Variants in MGAT5 observed in about 807,000 individuals in gnomAD.
The protein encoded by MGAT5 is alpha-1,6-mannosylglycoprotein 6-beta-N-acetylglucosaminyltransferase A.
MGAT5 carries 30 observed loss-of-function variants against 94.3 expected under a neutral mutation model. That is an observed-to-expected ratio of 0.32 (90% CI 0.24 to 0.43). The LOEUF (loss-of-function observed/expected upper bound fraction) is 0.43, where lower values mean the gene tolerates loss of function less well. MGAT5 is among the 20% of genes least tolerant of loss of function. The pLI is 1.00. For synonymous variants in MGAT5, 310 were observed against 322.9 expected (o/e 0.96, Z 0.43); for missense variants, 691 against 905.5 (o/e 0.76, Z 3.04).
chr2:134,229,817 A>C (rs1681262863), intron 1 of MGAT5, among the ~76,000 whole-genome samples: 1 of 152,232 alleles, frequency 6.6e-6, no homozygotes, highest in African/African-American at 2.4e-5. Context: ...CCTACAACTC[A>C]GTGACAAAGA....
intron 14 of MGAT5, among the ~76,000 whole-genome samples, chr2:134,436,276 C>G (rs1355666861): frequency 6.6e-6 from 1 of 152,212 alleles, no homozygotes; most frequent in Non-Finnish European, 1.5e-5. Flanking sequence ...CTCCTGCCAC[C>G]TTCAGGCCTC....
intron 15 of MGAT5, among the ~76,000 whole-genome samples, chr2:134,443,051 G>A (rs1490669496): frequency 6.6e-6 from 1 of 152,154 alleles, no homozygotes; most frequent in Non-Finnish European, 1.5e-5. Context: ...CATGGTCTGA[G>A]TTGGCCTGTT....
At chr2:134,199,963 C>A (rs1679698792) in intron 1 of MGAT5, among the ~76,000 whole-genome samples, 1 of 152,068 alleles carries the variant, frequency 6.6e-6, no homozygotes, top group Non-Finnish European at 1.5e-5. Context: ...AAAAATAAAA[C>A]CCACAAACAG....
At chr2:134,389,407 C>T (rs77112608) in intron 10 of MGAT5, among the ~76,000 whole-genome samples, 4,719 of 152,270 alleles carry the variant, frequency 0.031, 102 homozygotes, top group Non-Finnish European at 0.049. Flanking sequence ...ACTAAGCTAG[C>T]ACCCTCTGTC....
intron 12 of MGAT5, among the ~76,000 whole-genome samples, chr2:134,419,489 T>TGTGTGTGTGTGTGTGTG (rs1574061867): frequency 1.3e-5 from 2 of 150,000 alleles, no homozygotes; most frequent in South Asian, 2.1e-4. Flanking sequence ...TGTGTGTGTG[T>TGTGTGTGTGTGTGTGTG]TTCCATAAAG....
chr2:134,286,438 C>CTT (rs201438209), intron 2 of MGAT5, among the ~76,000 whole-genome samples: 2 of 147,038 alleles, frequency 1.4e-5, no homozygotes, highest in Non-Finnish European at 3.0e-5. Flanking sequence ...ATTTCTTTTT[C>CTT]TTTTTTTTTT....
At chr2:134,376,855 G>A (rs961615169) in intron 10 of MGAT5, among the ~76,000 whole-genome samples, 7 of 152,172 alleles carry the variant, frequency 4.6e-5, no homozygotes, top group African/African-American at 1.7e-4. Flanking sequence ...TTAGCAGCCA[G>A]GGTAGGTCTT....
Position 134,403,126 on chromosome 2 carries a change from C to T in MGAT5, c.1519C>T (p.Arg507Ter). The change falls in exon 11 of 16, where the codon CGA becomes TGA. Residue 507 changes from arginine to a stop codon, truncating the protein, a stop_gained. Transcript: ENST00000281923. LOFTEE classifies it high-confidence loss of function. ...LSGRDLQFLL[R>*]ETKLFVGLGF... ...TGGACGGGACCTGCAGTTCCTTCTT[C>T]GAGAAACCAAGGTAAAAATTCACCA... is the stretch of plus-strand genomic sequence containing the variant. 6.2e-7 allele frequency: 1 copy of T among 1,601,056 alleles called. No individual in the cohort carries two copies. Among genetic ancestry groups the T allele is most frequent in the Non-Finnish European group, 8.5e-7 (1 of 1,177,166 alleles).
intron 1 of MGAT5, among the ~76,000 whole-genome samples, chr2:134,183,307 C>T (rs1463051922): frequency 1.3e-5 from 2 of 152,150 alleles, no homozygotes; most frequent in African/African-American, 4.8e-5. Context: ...ATAATTACGT[C>T]ACTCGTTGGG....
At chr2:134,158,905 A>G (rs1400429729) in intron 1 of MGAT5, among the ~76,000 whole-genome samples, 1 of 152,168 alleles carries the variant, frequency 6.6e-6, no homozygotes, top group Non-Finnish European at 1.5e-5. Flanking sequence ...ACATGTGGCT[A>G]TTGAGCTCTT....
chr2:134,128,565 C>CT (rs916461807), intron 1 of MGAT5, among the ~76,000 whole-genome samples: 30 of 147,128 alleles, frequency 2.0e-4, no homozygotes, highest in East Asian at 9.9e-4. Flanking sequence ...TTTATTAGTT[C>CT]TTTTTTTTTT....
chr2:134,230,119 C>T (rs59337805), intron 1 of MGAT5, among the ~76,000 whole-genome samples: 6,553 of 152,210 alleles, frequency 0.043, 314 homozygotes, highest in African/African-American at 0.11. Context: ...AATTTTTCCA[C>T]GGATGAAGGG....
At chr2:134,216,954 G>T (rs1353395815) in intron 1 of MGAT5, among the ~76,000 whole-genome samples, 1 of 152,124 alleles carries the variant, frequency 6.6e-6, no homozygotes, top group Non-Finnish European at 1.5e-5. Flanking sequence ...GCCATGATGG[G>T]CTTGGCAGAA....
At chr2:134,331,185 T>C (rs1687948475) in intron 4 of MGAT5, among the ~76,000 whole-genome samples, 1 of 152,148 alleles carries the variant, frequency 6.6e-6, no homozygotes, top group Admixed American at 6.6e-5. Context: ...CAAAACCCTT[T>C]TTGTTCAAAG....
intron 10 of MGAT5, among the ~76,000 whole-genome samples, chr2:134,380,158 C>A (rs1681443402): frequency 6.6e-6 from 1 of 152,134 alleles, no homozygotes; most frequent in Admixed American, 6.5e-5. Context: ...ATTTTTAGCA[C>A]TAAGGGTTTA....
chr2:134,250,148 G>A (rs1270179609), upstream of MGAT5, among the ~76,000 whole-genome samples: 1 of 152,210 alleles, frequency 6.6e-6, no homozygotes, highest in Non-Finnish European at 1.5e-5. Context: ...GGAACAAGGT[G>A]ATTGCTACTC....
intron 1 of MGAT5, among the ~76,000 whole-genome samples, chr2:134,237,949 C>A (rs142793316): frequency 6.6e-6 from 1 of 152,086 alleles, no homozygotes; most frequent in African/African-American, 2.4e-5. Context: ...TGGTGTTTCA[C>A]CATGTTGGCC....
intron 9 of MGAT5, among the ~76,000 whole-genome samples, chr2:134,360,234 T>G (rs775115983): frequency 7.9e-5 from 12 of 152,188 alleles, no homozygotes; most frequent in Non-Finnish European, 1.5e-4. Context: ...TACCAAATTA[T>G]AGTCATAGCA....
In MGAT5 at chr2:134,268,480, T is replaced by C. The variant is rs539124166; in HGVS notation, c.242-1906T>C. Among the ~76,000 whole-genome samples the C allele has an allele frequency of 6.6e-6, 1 of 152,342 alleles. No homozygotes were observed. Among genetic ancestry groups the C allele is most frequent in the Admixed American group, 6.5e-5 (1 of 15,304 alleles). Reference sequence around the variant, plus strand: ...TAGACTTAGTGACAGAACAGGTGACTGACTCCCGCTGTCTGTGCCAACTAA... The same window carrying C: ...TAGACTTAGTGACAGAACAGGTGACCGACTCCCGCTGTCTGTGCCAACTAA... On this transcript the variant is annotated intron_variant, in intron 1 of 15. Coordinates refer to ENST00000281923, the MANE Select transcript of MGAT5 (RefSeq NM_002410.5). This position sits in a 1 kb window ranked among gnomAD's most constrained non-coding sequence, Gnocchi z 4.1.
Sources: gnomAD v4.1 joint callset for allele counts (sites outside exome capture counted in the v4.1 genomes callset) on GRCh38, gnomAD v4.1.1 for gene constraint, Gnocchi (gnomAD v3.1) non-coding constraint, MANE v1.5 for transcripts, NCBI Gene and HGNC (gene_info 2026-07-23, HGNC 2026-07-21) for gene names.